The following FBXL17 variants were observed in gnomAD, a reference collection of about 807,000 sequenced individuals.
FBXL17 encodes F-box and leucine rich repeat protein 17, also known as F-box/LRR-repeat protein 17.
A neutral mutation model predicts 66.2 loss-of-function variants in FBXL17; 22 were observed. The ratio of observed to expected loss-of-function variants is 0.33; its 90% CI spans 0.24 to 0.47. The LOEUF is 0.47. FBXL17 is among the 20% of genes least tolerant of loss of function. The pLI is 1.00. For synonymous variants in FBXL17, 474 were observed against 400.5 expected (o/e 1.18, Z -2.19); for missense variants, 878 against 948.2 (o/e 0.93, Z 0.97).
intron 4 of FBXL17, among the ~76,000 whole-genome samples, chr5:108,250,075 A>C (rs923065653): frequency 6.6e-6 from 1 of 152,138 alleles, no homozygotes; most frequent in Non-Finnish European, 1.5e-5. Flanking sequence ...AGATGTTTAA[A>C]AGCCAGGAAA....
chr5:107,938,689 T>G (rs946685164), intron 7 of FBXL17, among the ~76,000 whole-genome samples: 1 of 152,118 alleles, frequency 6.6e-6, no homozygotes, highest in Non-Finnish European at 1.5e-5. Context: ...TATATTAGTA[T>G]ACTCTCCAGA....
chr5:108,346,414 A>C (rs1347694324), intron 4 of FBXL17, among the ~76,000 whole-genome samples: 1 of 152,140 alleles, frequency 6.6e-6, no homozygotes, highest in Non-Finnish European at 1.5e-5. Flanking sequence ...AAAAAAACTA[A>C]TGTGAACATA....
At chr5:108,327,521 T>TA (rs1263817703) in intron 4 of FBXL17, among the ~76,000 whole-genome samples, 2 of 152,136 alleles carry the variant, frequency 1.3e-5, no homozygotes, top group Non-Finnish European at 2.9e-5. Context: ...AAGAAAATGA[T>TA]AGACACCAAG....
chr5:108,301,724 G>A (rs1758597727), intron 4 of FBXL17, among the ~76,000 whole-genome samples: 3 of 151,592 alleles, frequency 2.0e-5, no homozygotes, highest in South Asian at 2.1e-4. Context: ...TAAATGATGT[G>A]TATTAATAAC....
chr5:108,204,042 C>G (rs1219363869), intron 5 of FBXL17, among the ~76,000 whole-genome samples: 2 of 151,996 alleles, frequency 1.3e-5, no homozygotes, highest in African/African-American at 4.8e-5. Context: ...TCCTAAGGAA[C>G]TCTGTTTTTA....
At chr5:108,254,722 T>C (rs1213301032) in intron 4 of FBXL17, among the ~76,000 whole-genome samples, 2 of 152,160 alleles carry the variant, frequency 1.3e-5, no homozygotes, top group African/African-American at 4.8e-5. Context: ...CAAATATATA[T>C]TTTCCCCCAC....
chr5:108,229,299 C>A (rs1322858456), intron 4 of FBXL17, among the ~76,000 whole-genome samples: 2 of 152,120 alleles, frequency 1.3e-5, no homozygotes, highest in Non-Finnish European at 2.9e-5. Context: ...GGGGGCATCA[C>A]ATTACAAGTT....
intron 7 of FBXL17, among the ~76,000 whole-genome samples, chr5:107,971,325 G>T (rs529138220): frequency 6.6e-6 from 1 of 152,246 alleles, no homozygotes; most frequent in Admixed American, 6.5e-5. Flanking sequence ...ATTTCAAATA[G>T]TTCTACTTCC....
rs1434586729 is a variant in FBXL17 at position 108,139,621 on chromosome 5, A to C, written c.1745+46496T>G. Among the ~76,000 whole-genome samples the C allele has an allele frequency of 4.6e-5, 7 of 152,256 alleles. No individual in the cohort carries two copies. In the East Asian group the frequency reaches 1.4e-3, roughly 29 times the overall value. ...TTTTAGCTCCTGTCCCAAGGGCCCT[A>C]CCCAATTGCTTCTCTGGCTCAGGTT... On this transcript the variant is annotated intron_variant, in intron 6 of 8. Transcript: ENST00000542267.
At chr5:107,989,118 T>C (rs1753130709) in intron 7 of FBXL17, among the ~76,000 whole-genome samples, 1 of 152,084 alleles carries the variant, frequency 6.6e-6, no homozygotes, top group Admixed American at 6.6e-5. Context: ...ACCCTAAACA[T>C]TTACCATTTC....
At chr5:108,061,927 G>A (rs1471820326) in intron 6 of FBXL17, among the ~76,000 whole-genome samples, 2 of 151,284 alleles carry the variant, frequency 1.3e-5, no homozygotes, top group Non-Finnish European at 2.9e-5. Context: ...AACACTTTGA[G>A]CTCCCCAGAT....
At chr5:108,107,578 C>T (rs963824759) in intron 6 of FBXL17, among the ~76,000 whole-genome samples, 2 of 151,810 alleles carry the variant, frequency 1.3e-5, no homozygotes, top group Non-Finnish European at 2.9e-5. Context: ...TTTGGGAGGC[C>T]AAGGCGGGCA....
chr5:108,006,440 T>C (rs1021772351), intron 7 of FBXL17, among the ~76,000 whole-genome samples: 4 of 152,172 alleles, frequency 2.6e-5, no homozygotes, highest in Admixed American at 2.0e-4. Flanking sequence ...ATCAGGGAGA[T>C]CAAAGTTTTG....
chr5:108,298,136 T>C, intron 4 of FBXL17: 1 of 972,454 alleles, frequency 1.0e-6, no homozygotes, highest in Non-Finnish European at 1.2e-6. Flanking sequence ...CTAATTTGTT[T>C]TTCTTTTTAG....
intron 3 of FBXL17, among the ~76,000 whole-genome samples, chr5:108,361,440 T>C (rs189367611): frequency 6.6e-6 from 1 of 152,194 alleles, no homozygotes; most frequent in Non-Finnish European, 1.5e-5. Flanking sequence ...GCCTTGGCCT[T>C]TACTTCCTGC....
At chr5:108,024,941 G>A (rs978193037) in intron 6 of FBXL17, among the ~76,000 whole-genome samples, 1 of 151,884 alleles carries the variant, frequency 6.6e-6, no homozygotes, top group Non-Finnish European at 1.5e-5. Context: ...TTATGTGAAG[G>A]GTAAAGGTTA....
At chr5:107,963,627 T>C (rs1452071483) in intron 7 of FBXL17, among the ~76,000 whole-genome samples, 3 of 152,140 alleles carry the variant, frequency 2.0e-5, no homozygotes, top group African/African-American at 7.2e-5. Context: ...TTAGGGTTAT[T>C]GTAAGAGTTA....
intron 7 of FBXL17, among the ~76,000 whole-genome samples, chr5:107,994,031 C>T (rs77096169): frequency 0.13 from 19,042 of 151,822 alleles, 1,391 homozygotes; most frequent in East Asian, 0.2. Flanking sequence ...TAAAATCATA[C>T]TAAAATTATA....
chr5:108,041,203 G>C (rs564722992), intron 6 of FBXL17, among the ~76,000 whole-genome samples: 2 of 152,096 alleles, frequency 1.3e-5, no homozygotes, highest in East Asian at 3.9e-4. Context: ...AAATGGTTAA[G>C]GGCTTTTTTC....
Sources: allele counts gnomAD v4.1 joint callset (sites outside exome capture counted in the v4.1 genomes callset), GRCh38; gene constraint gnomAD v4.1.1; transcripts MANE v1.5; gene names NCBI Gene and HGNC (gene_info 2026-07-23, HGNC 2026-07-21).